SEMA6D: variants seen among roughly 807,000 people sequenced by gnomAD.
SEMA6D encodes the protein semaphorin 6D.
In SEMA6D, 35 loss-of-function variants were observed where a neutral mutation model predicts 106.6. That is an observed-to-expected ratio of 0.33 (90% confidence interval 0.25 to 0.44). The LOEUF (loss-of-function observed/expected upper bound fraction) is 0.44, where lower values mean the gene tolerates loss of function less well. Ranked by LOEUF, SEMA6D falls within the 20% of genes least tolerant of loss-of-function variation. The probability of loss-of-function intolerance (pLI) is 1.00; values close to 1 mark genes in which losing one functional copy is unlikely to be tolerated. For missense variants in SEMA6D, 1,185 were observed against 1,345.9 expected, an observed-to-expected ratio of 0.88 and a Z score of 1.87; for synonymous variants, 499 against 487.7, an observed-to-expected ratio of 1.02 and a Z score of -0.31.
intron 3 of SEMA6D, among the ~76,000 whole-genome samples, chr15:47,508,257 A>C (rs1005166624): frequency 6.6e-6 from 1 of 152,216 alleles, no homozygotes; most frequent in African/African-American, 2.4e-5. Context: ...AAGAATTCAG[A>C]TGAATGTGTT....
intron 4 of SEMA6D, among the ~76,000 whole-genome samples, chr15:47,661,048 A>G (rs1052837057): frequency 5.3e-5 from 8 of 152,214 alleles, no homozygotes; most frequent in Non-Finnish European, 1.2e-4. Flanking sequence ...AAAAGCAACT[A>G]AAGGAAAAGT....
At chr15:47,576,252 G>T (rs1016450738) in intron 3 of SEMA6D, among the ~76,000 whole-genome samples, 18 of 152,178 alleles carry the variant, frequency 1.2e-4, no homozygotes, top group African/African-American at 4.3e-4. Context: ...AAACCAAAAT[G>T]ATTTGTTAAG....
chr15:47,609,076 G>T (rs926091687), intron 4 of SEMA6D, among the ~76,000 whole-genome samples: 35 of 152,122 alleles, frequency 2.3e-4, no homozygotes, highest in African/African-American at 8.4e-4. Flanking sequence ...ATAGCTTAAA[G>T]TTGTATCATG....
intron 4 of SEMA6D, among the ~76,000 whole-genome samples, chr15:47,663,358 C>G (rs1163969173): frequency 2.0e-5 from 3 of 152,180 alleles, no homozygotes; most frequent in African/African-American, 7.2e-5. Context: ...GGCCAGTAAA[C>G]TGTTTATCCT....
chr15:47,298,600 T>C (rs935995481), intron 1 of SEMA6D, among the ~76,000 whole-genome samples: 1 of 152,142 alleles, frequency 6.6e-6, no homozygotes, highest in African/African-American at 2.4e-5. Flanking sequence ...AATGACCCAT[T>C]ACGTCTGTGC....
chr15:47,315,909 A>G (rs1948653270), intron 1 of SEMA6D, among the ~76,000 whole-genome samples: 2 of 151,950 alleles, frequency 1.3e-5, no homozygotes, highest in African/African-American at 4.8e-5. Flanking sequence ...TATATAGGAG[A>G]ATAATCGACT....
At chr15:47,372,760 A>T (rs563593689) in intron 1 of SEMA6D, among the ~76,000 whole-genome samples, 67 of 152,098 alleles carry the variant, frequency 4.4e-4, no homozygotes, top group Non-Finnish European at 6.2e-4. Context: ...AACTCCAGCA[A>T]CTCCCTCCAG....
intron 3 of SEMA6D, among the ~76,000 whole-genome samples, chr15:47,567,211 A>C (rs2046254440): frequency 6.6e-6 from 1 of 152,202 alleles, no homozygotes; most frequent in Non-Finnish European, 1.5e-5. Flanking sequence ...TGCATTCTCC[A>C]TTGTTATTTG....
At chr15:47,220,410 G>T (rs1028954627) in intron 1 of SEMA6D, among the ~76,000 whole-genome samples, 1 of 152,160 alleles carries the variant, frequency 6.6e-6, no homozygotes, top group South Asian at 2.1e-4. Context: ...TATTTTGAAA[G>T]AATTTGTGGT....
intron 1 of SEMA6D, among the ~76,000 whole-genome samples, chr15:47,268,586 C>T (rs1356865234): frequency 6.6e-6 from 1 of 152,106 alleles, no homozygotes; most frequent in African/African-American, 2.4e-5. Flanking sequence ...TGCATCCCAC[C>T]TCTGTGTATG....
At chr15:47,713,847 C>T (rs2079063675), upstream of SEMA6D, among the ~76,000 whole-genome samples, 1 of 152,192 alleles carries the variant, frequency 6.6e-6, no homozygotes, top group Non-Finnish European at 1.5e-5. Flanking sequence ...TATTGTGTAG[C>T]ATGGACTTTT....
intron 16 of SEMA6D, among the ~76,000 whole-genome samples, 161 bp from the exon 17 acceptor site, chr15:47,766,876 C>T (rs1329121351): frequency 6.6e-6 from 1 of 151,722 alleles, no homozygotes; most frequent in African/African-American, 2.4e-5. Context: ...TCACCATTTA[C>T]AATTTTGTAG....
At chr15:47,407,400 C>CAAAA (rs1272439298) in intron 1 of SEMA6D, among the ~76,000 whole-genome samples, 2 of 85,260 alleles carry the variant, frequency 2.3e-5, no homozygotes, top group Non-Finnish European at 5.4e-5. Context: ...AAAACAACAA[C>CAAAA]AACAACAACA....
At chr15:47,613,414 C>T (rs1019215005) in intron 4 of SEMA6D, among the ~76,000 whole-genome samples, 12 of 152,068 alleles carry the variant, frequency 7.9e-5, no homozygotes, top group Non-Finnish European at 1.3e-4. Flanking sequence ...ATGTGACAGA[C>T]AAAGCCTCCT....
chr15:47,582,331 C>T (rs1263975161), intron 3 of SEMA6D, among the ~76,000 whole-genome samples: 1 of 152,172 alleles, frequency 6.6e-6, no homozygotes, highest in East Asian at 1.9e-4. Flanking sequence ...CACCATGAGT[C>T]CCACAACTGA....
chr15:47,207,991 G>GCACA lies in SEMA6D; in HGVS notation c.-239+23574_-239+23575insACAC, dbSNP rs779884565. ...ACAGGTACAGTAGCCACTGGCGCGCGCGCACACACACACACACACACACAC... is the reference window on the plus strand; with the variant it reads ...ACAGGTACAGTAGCCACTGGCGCGCGCACACGCACACACACACACACACACACAC... On this transcript the variant is annotated intron_variant, in intron 1 of 19. Coordinates refer to the SEMA6D transcript ENST00000558014. Among the ~76,000 whole-genome samples, 303 of 122,964 alleles carry GCACA rather than the reference G, an allele frequency of 2.5e-3. 17 individuals are homozygous for GCACA. The highest frequency in any genetic ancestry group is 8.3e-3 in the Middle Eastern group (2 of 240). 80.7% of individuals were successfully genotyped at this position (122,964 alleles called of 152,430 possible).
chr15:47,373,485 T>A (rs1595857462), intron 1 of SEMA6D, among the ~76,000 whole-genome samples: 1 of 152,172 alleles, frequency 6.6e-6, no homozygotes, highest in Non-Finnish European at 1.5e-5. Context: ...GAACCCAATG[T>A]CATTGGATGC....
chr15:47,236,358 A>AC (rs2032539075), intron 1 of SEMA6D, among the ~76,000 whole-genome samples: 1 of 151,880 alleles, frequency 6.6e-6, no homozygotes, highest in Non-Finnish European at 1.5e-5. Flanking sequence ...GGTTCTCTCC[A>AC]CCCCCATGTT....
At chr15:47,347,081 G>C (rs1163255791) in intron 1 of SEMA6D, among the ~76,000 whole-genome samples, 12 of 151,924 alleles carry the variant, frequency 7.9e-5, no homozygotes, top group Admixed American at 6.6e-4. Flanking sequence ...GATAATTTTT[G>C]TATTTTTGTA....
Sources: gnomAD v4.1 joint callset for allele counts (sites outside exome capture counted in the v4.1 genomes callset) on GRCh38, gnomAD v4.1.1 for gene constraint, MANE v1.5 for transcripts, NCBI Gene and HGNC (gene_info 2026-07-23, HGNC 2026-07-21) for gene names.